The following ATP6V0D1 variants were observed in gnomAD, a reference collection of about 807,000 sequenced individuals.
ATP6V0D1 encodes ATPase H+ transporting V0 subunit d1, also known as V-type proton ATPase subunit d 1.
Under a neutral mutation model 39.0 loss-of-function variants are expected in ATP6V0D1, and 13 were observed. The observed-to-expected ratio is 0.33, with a 90% CI of 0.22 to 0.53. The LOEUF (loss-of-function observed/expected upper bound fraction) is 0.53. Among genes scored for constraint, ATP6V0D1 ranks in the 20% least tolerant of loss-of-function variants. The probability of loss-of-function intolerance (pLI) is 0.94; values close to 1 mark genes in which losing one functional copy is unlikely to be tolerated. For synonymous variants in ATP6V0D1, 191 were observed against 191.2 expected, an observed-to-expected ratio of 1.00 and a Z score of 0.01; for missense variants, 272 against 470.9, an observed-to-expected ratio of 0.58 and a Z score of 3.91.
At chr16:67,468,612 GAAGGAAGGAAAGA>G (rs1304103832) in intron 1 of ATP6V0D1, among the ~76,000 whole-genome samples, 23 of 151,102 alleles carry the variant, frequency 1.5e-4, no homozygotes, top group African/African-American at 5.4e-4. Flanking sequence ...AAAAAAAAAA[GAAGGAAGGAAAGA>G]AAGAAAGGAA....
At chr16:67,455,228 G>A (rs2041226212) in intron 1 of ATP6V0D1, 1 of 152,244 alleles carries the variant, frequency 6.6e-6, no homozygotes, top group African/African-American at 2.4e-5. Context: ...ATGTCTTTGA[G>A]GCTCAGGAGA....
intron 1 of ATP6V0D1, among the ~76,000 whole-genome samples, chr16:67,472,296 C>T (rs1597583897): frequency 6.6e-6 from 1 of 152,214 alleles, no homozygotes; most frequent in African/African-American, 2.4e-5. Flanking sequence ...CAGGCTCTCA[C>T]AACTCAACAT....
rs2041004126 is a variant in ATP6V0D1, at chr16:67,438,517, G to C, written c.*11C>G. 3 of 1,613,922 alleles carry C rather than the reference G, an allele frequency of 1.9e-6. No individual in the cohort carries two copies. Among genetic ancestry groups the C allele is most frequent in the East Asian group, 2.2e-5 (1 of 44,872 alleles). Reference sequence around the variant, plus strand: ...CACAAAGAGTGCAATTGAGAGCCTTGGGCCAGGACGCTAGAAGATAGGGAT... The same window carrying C: ...CACAAAGAGTGCAATTGAGAGCCTTCGGCCAGGACGCTAGAAGATAGGGAT... On this transcript the variant is annotated 3_prime_UTR_variant, in exon 8 of 8. Coordinates refer to ENST00000290949, the MANE Select transcript of ATP6V0D1 (RefSeq NM_004691.5).
intron 1 of ATP6V0D1, among the ~76,000 whole-genome samples, chr16:67,474,790 C>T (rs1207950154): frequency 1.3e-5 from 2 of 152,214 alleles, no homozygotes; most frequent in African/African-American, 4.8e-5. Flanking sequence ...TATCTCCACT[C>T]AGATGGCTCA....
intron 1 of ATP6V0D1, among the ~76,000 whole-genome samples, chr16:67,465,364 G>A (rs1432776353): frequency 6.6e-6 from 1 of 152,206 alleles, no homozygotes; most frequent in Non-Finnish European, 1.5e-5. Context: ...ATGCCCCTCA[G>A]AGGGAGTGCC....
intron 2 of ATP6V0D1, chr16:67,452,338 G>A: frequency 6.5e-7 from 1 of 1,535,692 alleles, no homozygotes; most frequent in Non-Finnish European, 8.7e-7. Context: ...GGCCCTTCAG[G>A]TGTCCCAGCC....
chr16:67,459,811 C>T, intron 1 of ATP6V0D1, among the ~76,000 whole-genome samples: 1 of 152,236 alleles, frequency 6.6e-6, no homozygotes, highest in East Asian at 1.9e-4. Flanking sequence ...GGGTCCTGGC[C>T]CGTGCCAGGG....
At chr16:67,472,408 C>T (rs963087865) in intron 1 of ATP6V0D1, among the ~76,000 whole-genome samples, 19 of 152,150 alleles carry the variant, frequency 1.2e-4, no homozygotes, top group African/African-American at 4.6e-4. Flanking sequence ...CTCTCTCTTG[C>T]TTGTAGTCAC....
chr16:67,452,635 G>A (rs996078235), intron 2 of ATP6V0D1, among the ~76,000 whole-genome samples: 5 of 152,200 alleles, frequency 3.3e-5, no homozygotes, highest in Non-Finnish European at 5.9e-5. Context: ...TCTCCTAGAC[G>A]CTAGCCGCTG....
At position 67,448,768 on chromosome 16, in the gene ATP6V0D1, T is replaced by C. The variant is rs1231421726; in HGVS notation, c.303-4062A>G. 5.3e-5 allele frequency among the ~76,000 whole-genome samples: 8 copies of C among 152,152 alleles called. No homozygotes were observed. The East Asian group carries it at 1.5e-3, about 29-fold the overall frequency. ...CTCTCCCCAAGGCCCAGTTGGGTCC[T>C]TCCACCTGGTCTGAGCCTTCTGGGC... On this transcript the variant is annotated intron_variant, in intron 2 of 7. Coordinates refer to ENST00000290949, the MANE Select transcript of ATP6V0D1 (RefSeq NM_004691.5).
chr16:67,473,452 G>A (rs1020655337), intron 1 of ATP6V0D1, among the ~76,000 whole-genome samples: 3 of 151,570 alleles, frequency 2.0e-5, no homozygotes, highest in African/African-American at 4.9e-5. Flanking sequence ...GGGTTCAAGC[G>A]ATTTTCCTGC....
intron 4 of ATP6V0D1, chr16:67,440,404 C>T (rs940280742): frequency 1.3e-5 from 2 of 152,354 alleles, no homozygotes; most frequent in African/African-American, 2.4e-5. Flanking sequence ...CCTCCCAACA[C>T]CTCTCCATGC....
At chr16:67,443,838 G>A (rs977054212) in intron 3 of ATP6V0D1, among the ~76,000 whole-genome samples, 3 of 152,236 alleles carry the variant, frequency 2.0e-5, no homozygotes, top group Non-Finnish European at 2.9e-5. Flanking sequence ...GTAGGGCTCA[G>A]GCCTCTTAGC....
At chr16:67,478,351 G>A (rs1361116720) in intron 1 of ATP6V0D1, among the ~76,000 whole-genome samples, 1 of 152,266 alleles carries the variant, frequency 6.6e-6, no homozygotes, top group Non-Finnish European at 1.5e-5. Context: ...GGTGGCTCAC[G>A]CCTGCAATCC....
chr16:67,450,534 C>T (rs1163337798), intron 2 of ATP6V0D1, among the ~76,000 whole-genome samples: 2 of 152,014 alleles, frequency 1.3e-5, no homozygotes, highest in Non-Finnish European at 2.9e-5. Flanking sequence ...AAAGAAATAG[C>T]TAGGGGGGCT....
intron 2 of ATP6V0D1, chr16:67,452,347 C>T (rs1567536948): frequency 6.5e-7 from 1 of 1,535,734 alleles, no homozygotes; most frequent in African/African-American, 1.4e-5. Context: ...GGTGTCCCAG[C>T]CTCTGACTCC....
intron 1 of ATP6V0D1, among the ~76,000 whole-genome samples, chr16:67,472,592 G>A (rs1055537066): frequency 3.9e-5 from 6 of 152,214 alleles, no homozygotes; most frequent in Non-Finnish European, 7.3e-5. Context: ...AGGCGGCTGG[G>A]CGCGGTGGCT....
chr16:67,462,890 A>G (rs1420781427), intron 1 of ATP6V0D1, among the ~76,000 whole-genome samples: 1 of 151,242 alleles, frequency 6.6e-6, no homozygotes, highest in Non-Finnish European at 1.5e-5. Flanking sequence ...GGCCTGCACC[A>G]CCTGAGCAAT....
At position 67,456,044 on chromosome 16, in the gene ATP6V0D1, T is replaced by C. The variant is rs991769331; in HGVS notation, c.131-2329A>G. On this transcript the variant is annotated intron_variant, in intron 1 of 7. Coordinates refer to ENST00000290949, the MANE Select transcript of ATP6V0D1 (RefSeq NM_004691.5). The surrounding 1 kb of genome is among the most constrained non-coding windows in gnomAD (Gnocchi z 4.1). ...TGGAATCTTGCTCTGTTGCCCAGGCTGGAGTGCAGTGGCACAATCTCGGCT... is the reference window on the plus strand; with the variant it reads ...TGGAATCTTGCTCTGTTGCCCAGGCCGGAGTGCAGTGGCACAATCTCGGCT... 1 of 151,762 alleles carries C rather than the reference T, an allele frequency of 6.6e-6. No individual in the cohort carries two copies. Among genetic ancestry groups the C allele is most frequent in the Non-Finnish European group, 1.5e-5 (1 of 68,040 alleles). The allele number at this position is 151,762 out of a possible 1,614,324, so 9.4% of individuals were successfully genotyped here.
Sources: gnomAD v4.1 joint callset for allele counts (sites outside exome capture counted in the v4.1 genomes callset) on GRCh38, gnomAD v4.1.1 for gene constraint, Gnocchi (gnomAD v3.1) non-coding constraint, MANE v1.5 for transcripts, NCBI Gene and HGNC (gene_info 2026-07-23, HGNC 2026-07-21) for gene names.